PCID2: variants seen among roughly 807,000 people sequenced by gnomAD.
PCID2 encodes the protein PCI domain containing 2.
A neutral mutation model predicts 61.3 loss-of-function variants in PCID2; 41 were observed. The observed-to-expected ratio is 0.67, with a 90% CI of 0.52 to 0.87. The LOEUF (loss-of-function observed/expected upper bound fraction) is 0.87. Ranked by LOEUF, PCID2 falls within the 40% of genes least tolerant of loss-of-function variation. The pLI, the probability that PCID2 is intolerant of heterozygous loss-of-function variation, is 0.00. For missense variants in PCID2, 392 were observed against 493.4 expected, an observed-to-expected ratio of 0.79 and a Z score of 1.95; for synonymous variants, 187 against 177.8, an observed-to-expected ratio of 1.05 and a Z score of -0.41.
downstream of PCID2, among the ~76,000 whole-genome samples, chr13:113,174,252 AC>A (rs2037157372): frequency 6.6e-6 from 1 of 151,330 alleles, no homozygotes; most frequent in Non-Finnish European, 1.5e-5. Flanking sequence ...AAAAAAAAAA[AC>A]CTACTTCAAA....
intron 1 of PCID2, among the ~76,000 whole-genome samples, chr13:113,203,605 A>G (rs555132165): frequency 1.3e-5 from 2 of 152,282 alleles, no homozygotes; most frequent in African/African-American, 4.8e-5. Flanking sequence ...AGAAGACAAC[A>G]CTGGTATCTG....
intron 7 of PCID2, 33 bp from the exon 8 acceptor site, chr13:113,185,593 G>A (rs748781167): frequency 2.2e-6 from 3 of 1,378,282 alleles, no homozygotes; most frequent in Admixed American, 1.8e-5. Context: ...AAGTTACATA[G>A]GAAATAAAAA....
At chr13:113,199,308 T>C (rs905302428) in intron 2 of PCID2, among the ~76,000 whole-genome samples, 4 of 152,214 alleles carry the variant, frequency 2.6e-5, no homozygotes, top group Admixed American at 6.5e-5. Context: ...TCTTGACCTC[T>C]ACAATCACAG....
At chr13:113,195,215 A>G (rs2038924401) in intron 5 of PCID2, 90 bp from the exon 6 acceptor site, 1 of 815,976 alleles carries the variant, frequency 1.2e-6, no homozygotes, top group Non-Finnish European at 2.2e-6. Context: ...ACCCAGGGCT[A>G]CTATCCAGAA....
At chr13:113,178,380 C>A (rs2037300732) in intron 13 of PCID2, 93 bp from the exon 14 acceptor site, 3 of 888,632 alleles carry the variant, frequency 3.4e-6, no homozygotes, top group South Asian at 2.8e-5. Flanking sequence ...CATTAGCATT[C>A]TTCCCCAAGA....
At chr13:113,195,865 G>T (rs1305305067) in intron 5 of PCID2, among the ~76,000 whole-genome samples, 2 of 152,044 alleles carry the variant, frequency 1.3e-5, no homozygotes, top group Non-Finnish European at 2.9e-5. Context: ...TTTATCTAAG[G>T]TTTAAAACCA....
chr13:113,189,709 T>C (rs2038431200), intron 7 of PCID2, among the ~76,000 whole-genome samples: 1 of 95,466 alleles, frequency 1.0e-5, no homozygotes, highest in Non-Finnish European at 2.0e-5. Context: ...TTACCTAAAA[T>C]GAAGGAGAGG....
chr13:113,171,912 C>T, the PCID2 span: 1 of 1,613,760 alleles, frequency 6.2e-7, no homozygotes, highest in Non-Finnish European at 8.5e-7. The surrounding 1 kb of genome is among the most constrained non-coding windows in gnomAD (Gnocchi z 5.1). Flanking sequence ...ACTGTCACCA[C>T]CAGGACCTAC....
intron 7 of PCID2, chr13:113,187,613 T>A (rs2038232383): frequency 6.6e-6 from 1 of 152,228 alleles, no homozygotes; most frequent in Admixed American, 6.5e-5. Context: ...ACCTTGAGCA[T>A]CTTTTCATGC....
At position 113,177,558 on chromosome 13, in the gene PCID2, G is replaced by A. The variant is rs958162841; in HGVS notation, c.*640C>T. 3 of 152,196 alleles carry A rather than the reference G, an allele frequency of 2.0e-5. No homozygotes were observed. The highest frequency in any genetic ancestry group is 2.9e-5 in the Non-Finnish European group (2 of 68,034). 9.4% of individuals were successfully genotyped at this position (152,196 alleles called of 1,614,324 possible). ...ATGTTTAGTAGCAGGTGTATTAAAT[G>A]TATTTTCAATTTAAGATGGTTTTTT... On this transcript the variant is annotated 3_prime_UTR_variant, in exon 14 of 14. Coordinates refer to ENST00000337344, the MANE Select transcript of PCID2 (RefSeq NM_001127202.4).
chr13:113,192,269 T>A (rs1486572485), intron 6 of PCID2, among the ~76,000 whole-genome samples: 1 of 152,164 alleles, frequency 6.6e-6, no homozygotes, highest in Non-Finnish European at 1.5e-5. Flanking sequence ...ATAAATAAAA[T>A]GTCCTTGATA....
At chr13:113,198,416 C>G in intron 2 of PCID2, 152 bp from the exon 3 acceptor site, 1 of 557,686 alleles carries the variant, frequency 1.8e-6, no homozygotes. Flanking sequence ...ATAAAAGGTT[C>G]AGGCCGTGAG....
Position 113,190,991 on chromosome 13 carries a change from A to G in PCID2, c.364-16T>C. 1.3e-6 allele frequency: 2 copies of G among 1,567,676 alleles called. No homozygotes were observed. Among genetic ancestry groups the G allele is most frequent in the Non-Finnish European group, 1.8e-6 (2 of 1,139,268 alleles). ...GTTGATCTGCCTAATAAAATATAAG[A>G]ACTTTTATTTCATTTTTCCGAAGCA... On this transcript the variant is annotated splice_polypyrimidine_tract_variant and intron_variant, in intron 6 of 13. Transcript: ENST00000337344.
rs777835191 is a variant in PCID2 at position 113,196,228 on chromosome 13, G to A, written c.267-6C>T. 1 of 1,588,610 alleles carries A rather than the reference G, an allele frequency of 6.3e-7. No homozygotes were observed. The highest frequency in any genetic ancestry group is 2.2e-5 in the East Asian group (1 of 44,684). On this transcript the variant is annotated splice_polypyrimidine_tract_variant and splice_region_variant and intron_variant, in intron 4 of 13. Coordinates refer to ENST00000337344, the MANE Select transcript of PCID2 (RefSeq NM_001127202.4). ...GGAATGCTCGCAAGAATGATGTACT[G>A]TATTAAGGAAGATATGGCATACAAA...
chr13:113,174,682 C>A (rs1377758007), downstream of PCID2, among the ~76,000 whole-genome samples: 5 of 152,124 alleles, frequency 3.3e-5, no homozygotes, highest in Non-Finnish European at 5.9e-5. Flanking sequence ...ATGGATTTTG[C>A]CATATTGCCC....
chr13:113,180,091 C>T (rs372598398), intron 11 of PCID2, 49 bp from the exon 12 acceptor site: 212 of 1,613,398 alleles, frequency 1.3e-4, no homozygotes, highest in Non-Finnish European at 1.6e-4. Flanking sequence ...TCTCACAGAG[C>T]GTGCACGTCA....
Position 113,179,101 on chromosome 13 carries a change from G to A in PCID2, c.987-12C>T, listed in dbSNP as rs751744302. ...TCAGTAACAAATACCTGGAAGAGGG[G>A]AGGAGAAGGGCACTGTGGTTACCGA... On this transcript the variant is annotated splice_polypyrimidine_tract_variant and intron_variant, in intron 12 of 13. Transcript: ENST00000337344. This position sits in a 1 kb window ranked among gnomAD's most constrained non-coding sequence, Gnocchi z 4.3. 4.3e-6 allele frequency: 7 copies of A among 1,611,978 alleles called. No individual in the cohort carries two copies. The highest frequency in any genetic ancestry group is 1.1e-5 in the South Asian group (1 of 90,654).
At chr13:113,208,005 C>T (rs1447649386) in intron 1 of PCID2, 3 of 1,606,836 alleles carry the variant, frequency 1.9e-6, no homozygotes, top group Non-Finnish European at 2.6e-6. Flanking sequence ...CATCTTTTAA[C>T]TGTGCTTCTG....
the PCID2 span, among the ~76,000 whole-genome samples, chr13:113,165,544 TTTTTGAGATGGAGTC>T: frequency 6.6e-6 from 1 of 152,250 alleles, no homozygotes; most frequent in African/African-American, 2.4e-5. Flanking sequence ...TGGTTTGTTT[TTTTTGAGATGGAGTC>T]TCAATCTGTC....
Sources: gnomAD v4.1 joint callset for allele counts (sites outside exome capture counted in the v4.1 genomes callset) on GRCh38, gnomAD v4.1.1 for gene constraint, Gnocchi (gnomAD v3.1) non-coding constraint, MANE v1.5 for transcripts, NCBI Gene and HGNC (gene_info 2026-07-23, HGNC 2026-07-21) for gene names.